Variants in DISC1 observed in about 807,000 individuals in gnomAD.
DISC1 encodes the protein DISC1 scaffold protein.
Under a neutral mutation model 84.5 loss-of-function variants are expected in DISC1, and 57 were observed. The observed-to-expected ratio is 0.67, with a 90% CI of 0.55 to 0.84. DISC1 has a LOEUF of 0.84. Among genes scored for constraint, DISC1 ranks in the 40% least tolerant of loss-of-function variants. DISC1 has a pLI of 0.00. For missense variants in DISC1, 1,000 were observed against 1,057.8 expected, an observed-to-expected ratio of 0.95 and a Z score of 0.76; for synonymous variants, 411 against 415.2, an observed-to-expected ratio of 0.99 and a Z score of 0.12.
rs1658677751 is a variant in DISC1, at chr1:231,952,695, A to ATATATATATATATATATATATATG, written c.1982-6114_1982-6113insATATGTATATATATATATATATAT. 4.7e-5 allele frequency among the ~76,000 whole-genome samples: 5 copies of ATATATATATATATATATATATATG among 106,252 alleles called. No individual in the cohort carries two copies. The Admixed American group carries it at 5.7e-4, about 12-fold the overall frequency. The allele number at this position is 106,252 out of a possible 152,430, so 69.7% of individuals were successfully genotyped here. On this transcript the variant is annotated intron_variant, in intron 9 of 12. Transcript: ENST00000439617. ...TTGTCTCTCATATATATATGTTTAT[A>ATATATATATATATATATATATATG]TATATATATATATATATATGTATAT...
At chr1:231,733,631 T>C (rs2071974378) in intron 3 of DISC1, among the ~76,000 whole-genome samples, 1 of 151,644 alleles carries the variant, frequency 6.6e-6, no homozygotes, top group Admixed American at 6.6e-5. Context: ...GTGGTGGTTG[T>C]GGCAGTGCTG....
intron 9 of DISC1, among the ~76,000 whole-genome samples, chr1:231,902,028 A>G (rs1198979288): frequency 6.6e-6 from 1 of 151,696 alleles, no homozygotes; most frequent in Non-Finnish European, 1.5e-5. Context: ...TATTTATCAT[A>G]TACATAATTA....
At chr1:231,917,180 C>T (rs1409787974) in intron 9 of DISC1, among the ~76,000 whole-genome samples, 1 of 152,172 alleles carries the variant, frequency 6.6e-6, no homozygotes, top group Non-Finnish European at 1.5e-5. Flanking sequence ...TTCCAATGCT[C>T]CTTCCACTTC....
At chr1:231,963,567 G>A (rs1016715823) in intron 10 of DISC1, among the ~76,000 whole-genome samples, 1 of 152,022 alleles carries the variant, frequency 6.6e-6, no homozygotes, top group African/African-American at 2.4e-5. Context: ...AGCCTTCAAG[G>A]TTTAGATTTC....
chr1:231,776,922 T>G (rs2077005514), intron 6 of DISC1, among the ~76,000 whole-genome samples: 1 of 152,186 alleles, frequency 6.6e-6, no homozygotes, highest in South Asian at 2.1e-4. Context: ...CCATTAATGC[T>G]CTTGCCCCGG....
rs774880019 is a variant in DISC1 at position 231,694,835 on chromosome 1, A to C, written c.1047+30A>C. ...GTGTCTCTTCCACCTCTGTGGCCCG[A>C]GATTGTCGTGAGCTCAGATTAGCAC... On this transcript the variant is annotated intron_variant, in intron 2 of 12. Transcript: ENST00000439617. 3.7e-6 allele frequency: 6 copies of C among 1,609,126 alleles called. No individual in the cohort carries two copies. The South Asian group carries it at 6.6e-5, about 18-fold the overall frequency.
At chr1:231,719,004 A>C (rs2069196584) in intron 3 of DISC1, among the ~76,000 whole-genome samples, 1 of 152,170 alleles carries the variant, frequency 6.6e-6, no homozygotes, top group African/African-American at 2.4e-5. Flanking sequence ...GTGCATCAAT[A>C]GACTCAGCTA....
At chr1:231,694,833 C>T (rs778128134) in intron 2 of DISC1, 28 bp downstream of exon 2, 214 of 1,609,212 alleles carry the variant, frequency 1.3e-4, no homozygotes, top group Non-Finnish European at 1.7e-4. Flanking sequence ...CTCTGTGGCC[C>T]GAGATTGTCG....
chr1:231,647,112 G>T (rs189726154), intron 1 of DISC1, among the ~76,000 whole-genome samples: 1 of 152,080 alleles, frequency 6.6e-6, no homozygotes, highest in Non-Finnish European at 1.5e-5. Context: ...CATTGCTTTT[G>T]GTGTTTCAGT....
At chr1:231,832,125 C>G (rs150312146) in intron 9 of DISC1, among the ~76,000 whole-genome samples, 3,715 of 149,710 alleles carry the variant, frequency 0.025, 85 homozygotes, top group Non-Finnish European at 0.038. Context: ...AATTGTGGGA[C>G]ACTCAACAAA....
At chr1:231,649,077 G>A (rs557400233) in intron 1 of DISC1, among the ~76,000 whole-genome samples, 3 of 152,214 alleles carry the variant, frequency 2.0e-5, no homozygotes, top group African/African-American at 7.2e-5. Context: ...TCTGATCTTA[G>A]TTATTTCTTG....
intron 9 of DISC1, among the ~76,000 whole-genome samples, chr1:231,843,152 T>G (rs903543904): frequency 3.3e-5 from 5 of 152,096 alleles, no homozygotes; most frequent in Non-Finnish European, 7.3e-5. Flanking sequence ...AGAGATGACA[T>G]CTAAGCTGCT....
intron 1 of DISC1, chr1:231,684,693 T>G (rs976884621): frequency 2.6e-5 from 4 of 152,166 alleles, no homozygotes; most frequent in African/African-American, 9.7e-5. Flanking sequence ...GAACAGTCAT[T>G]CCAGTTTTAG....
At chr1:231,961,876 T>A (rs1469424966) in intron 10 of DISC1, among the ~76,000 whole-genome samples, 2 of 152,214 alleles carry the variant, frequency 1.3e-5, no homozygotes, top group Non-Finnish European at 2.9e-5. Context: ...AATGGTTTAT[T>A]CTCTTTTGGA....
chr1:231,842,552 AC>A (rs1209101935), intron 9 of DISC1, among the ~76,000 whole-genome samples: 2 of 152,202 alleles, frequency 1.3e-5, no homozygotes, highest in Non-Finnish European at 2.9e-5. Context: ...ATTCCTTATG[AC>A]ATCCCATGCA....
intron 3 of DISC1, chr1:231,722,729 G>C (rs1474247659): frequency 6.5e-7 from 1 of 1,542,918 alleles, no homozygotes; most frequent in Non-Finnish European, 8.7e-7. Flanking sequence ...TATGATCAGG[G>C]TAGCATCATA....
At chr1:232,035,871 C>T (rs2776623) in intron 12 of DISC1, among the ~76,000 whole-genome samples, 20,991 of 152,128 alleles carry the variant, frequency 0.14, 1,587 homozygotes, top group South Asian at 0.21. Context: ...AGACGAGAAC[C>T]CGTTTCTTAA....
intron 7 of DISC1, among the ~76,000 whole-genome samples, chr1:231,798,445 T>C (rs2078942711): frequency 6.6e-6 from 1 of 152,108 alleles, no homozygotes; most frequent in African/African-American, 2.4e-5. Flanking sequence ...ACTGACTCAA[T>C]TATGATTAAC....
chr1:232,027,716 A>T (rs1669609602), intron 12 of DISC1, among the ~76,000 whole-genome samples: 1 of 152,028 alleles, frequency 6.6e-6, no homozygotes, highest in Admixed American at 6.6e-5. Context: ...CGTTTGTGGC[A>T]AATTTAGCTA....
Sources: gnomAD v4.1 joint callset for allele counts (sites outside exome capture counted in the v4.1 genomes callset) on GRCh38, gnomAD v4.1.1 for gene constraint, MANE v1.5 for transcripts, NCBI Gene and HGNC (gene_info 2026-07-23, HGNC 2026-07-21) for gene names.